PTPRD: variants seen among roughly 807,000 people sequenced by gnomAD.
PTPRD encodes protein tyrosine phosphatase receptor type D, also known as receptor-type tyrosine-protein phosphatase delta.
Under a neutral mutation model 214.5 loss-of-function variants are expected in PTPRD, and 34 were observed. The ratio of observed to expected loss-of-function variants is 0.16; its 90% confidence interval spans 0.12 to 0.21. The LOEUF (loss-of-function observed/expected upper bound fraction) is 0.21, where lower values mean the gene tolerates loss of function less well. Ranked by LOEUF, PTPRD falls within the 10% of genes least tolerant of loss-of-function variation. PTPRD has a pLI of 1.00. For missense variants in PTPRD, 2,545 were observed against 2,398.7 expected (o/e 1.06, Z -1.27); for synonymous variants, 1,128 against 845.7 (o/e 1.33, Z -5.79).
intron 4 of PTPRD, among the ~76,000 whole-genome samples, chr9:9,975,401 A>T (rs535962098): frequency 6.6e-6 from 1 of 152,210 alleles, no homozygotes; most frequent in South Asian, 2.1e-4. Flanking sequence ...GTTGCTTTTA[A>T]CCTCTCTTCA....
chr9:10,404,129 G>T (rs2098323058), intron 2 of PTPRD, among the ~76,000 whole-genome samples: 1 of 151,644 alleles, frequency 6.6e-6, no homozygotes, highest in South Asian at 2.1e-4. Flanking sequence ...TTCAAATTTT[G>T]CTGTGAATGT....
At chr9:8,330,307 T>G (rs1838799217) in intron 44 of PTPRD, among the ~76,000 whole-genome samples, 1 of 152,176 alleles carries the variant, frequency 6.6e-6, no homozygotes, top group Non-Finnish European at 1.5e-5. Context: ...CTATTCCTAT[T>G]CAGCCATCTT....
intron 2 of PTPRD, among the ~76,000 whole-genome samples, chr9:10,571,801 A>T (rs942150777): frequency 2.0e-5 from 3 of 152,094 alleles, no homozygotes; most frequent in African/African-American, 7.2e-5. Flanking sequence ...GGCGACCTAG[A>T]TCTCTCACAT....
chr9:10,112,430 T>A (rs1377713840), intron 3 of PTPRD, among the ~76,000 whole-genome samples: 2 of 151,274 alleles, frequency 1.3e-5, no homozygotes, highest in Non-Finnish European at 2.9e-5. Flanking sequence ...GACAATTATC[T>A]ATTTTTTTTT....
At chr9:8,458,578 T>A (rs2096281413) in intron 33 of PTPRD, among the ~76,000 whole-genome samples, 1 of 152,150 alleles carries the variant, frequency 6.6e-6, no homozygotes, top group East Asian at 1.9e-4. Flanking sequence ...ATTATACCAC[T>A]GCTTTTTATT....
chr9:9,554,432 T>C (rs1175901567), intron 8 of PTPRD, among the ~76,000 whole-genome samples: 34 of 151,958 alleles, frequency 2.2e-4, no homozygotes, highest in Admixed American at 2.2e-3. Flanking sequence ...GATCCTACTC[T>C]TGTTTTTAGG....
At chr9:8,872,632 A>G (rs1248952272) in intron 11 of PTPRD, among the ~76,000 whole-genome samples, 1 of 152,256 alleles carries the variant, frequency 6.6e-6, no homozygotes, top group Non-Finnish European at 1.5e-5. Context: ...TCTAGCATGT[A>G]GCCTACATTT....
chr9:8,807,032 G>C (rs2096698690), intron 11 of PTPRD, among the ~76,000 whole-genome samples: 1 of 152,114 alleles, frequency 6.6e-6, no homozygotes, highest in Admixed American at 6.6e-5. Context: ...AATAGCTGCT[G>C]ATACTGAAAG....
chr9:9,976,254 G>C (rs948651985), intron 4 of PTPRD, among the ~76,000 whole-genome samples: 2 of 151,920 alleles, frequency 1.3e-5, no homozygotes, highest in African/African-American at 2.4e-5. Context: ...TTACAAAATA[G>C]AAACTTAACT....
intron 8 of PTPRD, among the ~76,000 whole-genome samples, chr9:9,539,678 T>G (rs539352048): frequency 6.6e-6 from 1 of 151,992 alleles, no homozygotes; most frequent in East Asian, 1.9e-4. Flanking sequence ...TCTCCCAAAG[T>G]GCTCACTGCC....
intron 7 of PTPRD, among the ~76,000 whole-genome samples, chr9:9,677,008 T>C (rs1472943590): frequency 6.6e-6 from 1 of 152,178 alleles, no homozygotes; most frequent in Non-Finnish European, 1.5e-5. Context: ...TTTGAGTTCC[T>C]TGTAGATTCT....
chr9:10,190,049 G>C (rs1175893813), intron 3 of PTPRD, among the ~76,000 whole-genome samples: 1 of 152,060 alleles, frequency 6.6e-6, no homozygotes. Context: ...CTGAGAATTA[G>C]GAGAAGCTGC....
intron 14 of PTPRD, among the ~76,000 whole-genome samples, chr9:8,531,835 G>T (rs1318273652): frequency 2.0e-5 from 3 of 152,052 alleles, no homozygotes; most frequent in African/African-American, 4.8e-5. Flanking sequence ...TCTTACCAAA[G>T]AAATCTAGAT....
chr9:9,341,412 T>C (rs2046764212), intron 9 of PTPRD, among the ~76,000 whole-genome samples: 1 of 152,058 alleles, frequency 6.6e-6, no homozygotes, highest in South Asian at 2.1e-4. Context: ...TAGTACCCCA[T>C]CTCCTCCTTT....
intron 14 of PTPRD, among the ~76,000 whole-genome samples, chr9:8,606,045 C>T (rs1313778180): frequency 3.3e-5 from 5 of 152,086 alleles, no homozygotes; most frequent in Admixed American, 3.3e-4. Flanking sequence ...ATCCTTATTT[C>T]ATTCCATTTT....
chr9:9,072,040 T>C (rs1324188704), intron 10 of PTPRD, among the ~76,000 whole-genome samples: 3 of 152,132 alleles, frequency 2.0e-5, no homozygotes, highest in African/African-American at 7.2e-5. Flanking sequence ...GAAGTGATTG[T>C]TTCCTCAGGC....
intron 11 of PTPRD, among the ~76,000 whole-genome samples, chr9:8,944,220 A>C (rs924372579): frequency 4.6e-5 from 7 of 152,272 alleles, no homozygotes; most frequent in Middle Eastern, 3.4e-3. Flanking sequence ...CACTCCAGTT[A>C]AAATGGCTTT....
chr9:10,120,863 A>G (rs1165897471), intron 3 of PTPRD, among the ~76,000 whole-genome samples: 1 of 152,100 alleles, frequency 6.6e-6, no homozygotes, highest in Non-Finnish European at 1.5e-5. Flanking sequence ...GCATTCCTTG[A>G]TGCCCCCTTC....
intron 11 of PTPRD, among the ~76,000 whole-genome samples, chr9:8,907,220 T>A (rs1285628085): frequency 6.6e-6 from 1 of 152,006 alleles, no homozygotes; most frequent in African/African-American, 2.4e-5. Flanking sequence ...AATCCAGAGC[T>A]GCCACAATAT....
Sources: allele counts gnomAD v4.1 joint callset (sites outside exome capture counted in the v4.1 genomes callset), GRCh38; gene constraint gnomAD v4.1.1; transcripts MANE v1.5; gene names NCBI Gene and HGNC (gene_info 2026-07-23, HGNC 2026-07-21).